Variants in RPGRIP1 observed in about 807,000 individuals in gnomAD.
The protein encoded by RPGRIP1 is RPGR interacting protein 1.
Under a neutral mutation model 157.9 loss-of-function variants are expected in RPGRIP1, and 128 were observed. The ratio of observed to expected loss-of-function variants is 0.81; its 90% CI spans 0.70 to 0.94. The LOEUF (loss-of-function observed/expected upper bound fraction) is 0.94, where lower values mean the gene tolerates loss of function less well. Ranked by LOEUF, RPGRIP1 falls within the 40% of genes least tolerant of loss-of-function variation. The pLI, the probability that RPGRIP1 is intolerant of heterozygous loss-of-function variation, is 0.00. For missense variants in RPGRIP1, 1,486 were observed against 1,545.8 expected, an observed-to-expected ratio of 0.96 and a Z score of 0.65; for synonymous variants, 554 against 571.6, an observed-to-expected ratio of 0.97 and a Z score of 0.44.
chr14:21,328,549 T>A lies in RPGRIP1; in HGVS notation c.3021T>A (p.His1007Gln). 1 of 1,613,690 alleles carries A rather than the reference T, an allele frequency of 6.2e-7. No homozygotes were observed. The highest frequency in any genetic ancestry group is 8.5e-7 in the Non-Finnish European group (1 of 1,179,728). Residue 1007 changes from histidine to glutamine, a missense_variant, in exon 19 of 25, where the codon CAT becomes CAA. By Grantham distance (24) the His-to-Gln change is conservative (BLOSUM62 0). Transcript: ENST00000400017. ...TTGTGAGCTACTCAAGAAGAAAACATGGCAAAAGAATAGGTGTTCAAGGAA... is the reference window on the plus strand; with the variant it reads ...TTGTGAGCTACTCAAGAAGAAAACAAGGCAAAAGAATAGGTGTTCAAGGAA... ...HQVVSYSRRK[H>Q]GKRIGVQGKN...
intron 10 of RPGRIP1, 145 bp downstream of exon 10, chr14:21,312,651 A>G (rs1881588079): frequency 1.8e-6 from 1 of 560,370 alleles, no homozygotes; most frequent in Admixed American, 3.4e-5. Flanking sequence ...GTCTTTTGGA[A>G]GGGAATTTGA....
rs1395686449 is a variant in RPGRIP1 at position 21,349,477 on chromosome 14, CACA to C, written c.3748+1178_3748+1180del. 2.7e-5 allele frequency among the ~76,000 whole-genome samples: 4 copies of C among 148,442 alleles called. No homozygotes were observed. In the East Asian group the frequency reaches 8.0e-4, roughly 30 times the overall value. On this transcript the variant is annotated intron_variant, in intron 24 of 24. Coordinates refer to ENST00000400017, the MANE Select transcript of RPGRIP1 (RefSeq NM_020366.4). ...GTGCAATGGACCGATCTCAGCTCACCACAACCTCTGCCTCTTTCTTAATCAAGC... is the reference window on the plus strand; with the variant it reads ...GTGCAATGGACCGATCTCAGCTCACCACCTCTGCCTCTTTCTTAATCAAGC...
intron 22 of RPGRIP1, among the ~76,000 whole-genome samples, chr14:21,344,518 AT>A (rs1303672233): frequency 6.6e-6 from 1 of 152,108 alleles, no homozygotes; most frequent in African/African-American, 2.4e-5. Context: ...TTATTTTCTT[AT>A]TTTAATGGAT....
At chr14:21,334,479 G>T (rs887727605) in intron 20 of RPGRIP1, 126 bp from the exon 21 acceptor site, 2 of 711,576 alleles carry the variant, frequency 2.8e-6, no homozygotes, top group Admixed American at 2.1e-5. Flanking sequence ...TTCTTAGTAA[G>T]TGAAGGCAAA....
chr14:21,305,349 A>AT (rs1164914377), intron 6 of RPGRIP1, among the ~76,000 whole-genome samples: 3 of 152,192 alleles, frequency 2.0e-5, no homozygotes, highest in Admixed American at 1.3e-4. Flanking sequence ...AGTAATATGC[A>AT]TTTAAGCTTG....
intron 24 of RPGRIP1, among the ~76,000 whole-genome samples, chr14:21,350,338 C>T (rs996782530): frequency 4.1e-5 from 6 of 147,200 alleles, no homozygotes; most frequent in East Asian, 2.0e-4. Context: ...ATCAAGTCAC[C>T]GCACTCCAGC....
chr14:21,292,442 T>A (rs1880571254), intron 2 of RPGRIP1, among the ~76,000 whole-genome samples: 1 of 152,206 alleles, frequency 6.6e-6, no homozygotes, highest in South Asian at 2.1e-4. Flanking sequence ...CAAAAATTAA[T>A]CTAGCCAGTG....
At chr14:21,323,310 T>A (rs1427137263) in intron 14 of RPGRIP1, among the ~76,000 whole-genome samples, 1 of 151,702 alleles carries the variant, frequency 6.6e-6, no homozygotes, top group African/African-American at 2.4e-5. Context: ...TAACCCCAGA[T>A]ACTTAGGAGG....
rs773504349 is a variant in RPGRIP1 at position 21,311,886 on chromosome 14, A to G, written c.993A>G (p.Ala331=). The change falls in exon 9 of 25, where the codon GCA becomes GCG. Residue 331 remains alanine, a synonymous_variant. Transcript: ENST00000400017. ...TCAAGCAAGTGAATGAGCTCAGGGC[A>G]GAGCTGAAGGAAGAAAGCAAGAAGG... ...ALLKQVNELR[A]ELKEESKKAV... is the part of the protein sequence containing the mutation. 1.2e-5 allele frequency: 20 copies of G among 1,612,308 alleles called. No individual in the cohort carries two copies. In the African/African-American group the frequency reaches 2.3e-4, roughly 18 times the overall value.
intron 10 of RPGRIP1, 125 bp downstream of exon 10, chr14:21,312,631 T>G: frequency 1.7e-6 from 1 of 579,824 alleles, no homozygotes; most frequent in Non-Finnish European, 3.0e-6. Flanking sequence ...AGTGAGAATA[T>G]TAATCGGCAG....
rs544471902 is a variant in RPGRIP1 at position 21,321,576 on chromosome 14, C to T, written c.1611+174C>T. ...GAACTTGAGGACTCACACATGCCCACGGCACCTTGGCACTAGGAGCCAGTG... is the reference window on the plus strand; with the variant it reads ...GAACTTGAGGACTCACACATGCCCATGGCACCTTGGCACTAGGAGCCAGTG... On this transcript the variant is annotated intron_variant, in intron 13 of 24. Coordinates refer to ENST00000400017, the MANE Select transcript of RPGRIP1 (RefSeq NM_020366.4). The T allele has an allele frequency of 1.1e-4, 148 of 1,318,914 alleles. 1 individual carries two copies. Among genetic ancestry groups the T allele is most frequent in the South Asian group, 1.0e-3 (59 of 58,738 alleles). 81.7% of individuals were successfully genotyped at this position (1,318,914 alleles called of 1,614,324 possible). A position where few individuals can be genotyped will look rare whatever the true frequency, so the allele number is the denominator to read the frequency against.
intron 1 of RPGRIP1, among the ~76,000 whole-genome samples, chr14:21,282,211 G>A (rs537994602): frequency 1.2e-4 from 18 of 152,234 alleles, no homozygotes; most frequent in Middle Eastern, 3.4e-3. Flanking sequence ...TTGTCCAAGT[G>A]CACTGCAATT....
chr14:21,303,673 G>A (rs1035515315), intron 6 of RPGRIP1, 130 bp downstream of exon 6: 7 of 698,366 alleles, frequency 1.0e-5, no homozygotes, highest in Non-Finnish European at 1.7e-5. Flanking sequence ...TAGTAGACAC[G>A]GAGTCCCTCG....
chr14:21,322,079 T>C, intron 14 of RPGRIP1, 75 bp downstream of exon 14: 2 of 1,314,712 alleles, frequency 1.5e-6, no homozygotes, highest in Non-Finnish European at 2.1e-6. Context: ...TCTGTGTACT[T>C]GTCAAGAAGG....
intron 5 of RPGRIP1, among the ~76,000 whole-genome samples, 174 bp from the exon 6 acceptor site, chr14:21,303,157 C>T (rs1288770649): frequency 6.6e-6 from 1 of 151,892 alleles, no homozygotes; most frequent in African/African-American, 2.4e-5. Context: ...TGTGAGCCAC[C>T]ACGCCTGGCC....
At chr14:21,280,194 T>C (rs1363584240) in intron 1 of RPGRIP1, among the ~76,000 whole-genome samples, 35 bp downstream of exon 1, 1 of 151,870 alleles carries the variant, frequency 6.6e-6, no homozygotes, top group African/African-American at 2.4e-5. Flanking sequence ...TATAGTTTCC[T>C]ATGTCTTCCC....
At chr14:21,309,355 T>C (rs1205656233) in intron 7 of RPGRIP1, among the ~76,000 whole-genome samples, 1 of 151,640 alleles carries the variant, frequency 6.6e-6, no homozygotes, top group Non-Finnish European at 1.5e-5. Flanking sequence ...CTATCAAAAA[T>C]AGAAAAATTA....
chr14:21,302,431 C>A, intron 4 of RPGRIP1, 57 bp from the exon 5 acceptor site: 1 of 915,624 alleles, frequency 1.1e-6, no homozygotes, highest in Non-Finnish European at 1.6e-6. Flanking sequence ...AGTTTCAGTA[C>A]TTGGTGTTCC....
chr14:21,288,913 A>G (rs17103267), intron 2 of RPGRIP1, among the ~76,000 whole-genome samples: 43,601 of 152,084 alleles, frequency 0.29, 6,447 homozygotes, highest in Middle Eastern at 0.33. Context: ...AAGAACAACT[A>G]GTGGGTTTCA....
Sources: gnomAD v4.1 joint callset for allele counts (sites outside exome capture counted in the v4.1 genomes callset) on GRCh38, gnomAD v4.1.1 for gene constraint, MANE v1.5 for transcripts, NCBI Gene and HGNC (gene_info 2026-07-23, HGNC 2026-07-21) for gene names.